Variants in AMPD3 observed in about 807,000 individuals in gnomAD.
AMPD3 encodes adenosine monophosphate deaminase 3.
AMPD3 carries 57 observed loss-of-function variants against 82.3 expected under a neutral mutation model. The ratio of observed to expected loss-of-function variants is 0.69; its 90% confidence interval spans 0.56 to 0.86. The LOEUF (loss-of-function observed/expected upper bound fraction) is 0.86, where lower values mean the gene tolerates loss of function less well. Ranked by LOEUF, AMPD3 falls within the 40% of genes least tolerant of loss-of-function variation. The pLI is 0.00. For synonymous variants in AMPD3, 381 were observed against 394.7 expected, an observed-to-expected ratio of 0.97 and a Z score of 0.41; for missense variants, 870 against 1,003.8, an observed-to-expected ratio of 0.87 and a Z score of 1.80.
In AMPD3 at chr11:10,496,951, G is replaced by A; in HGVS notation, c.1557+13G>A. Reference sequence around the variant, plus strand: ...CTTCCTTAAATATGTAAGTGTGGGTGGTGCCCTAGGCAGGGCTCATAGCGG... The same window carrying A: ...CTTCCTTAAATATGTAAGTGTGGGTAGTGCCCTAGGCAGGGCTCATAGCGG... On this transcript the variant is annotated intron_variant, in intron 10 of 14. Transcript: ENST00000396553. The A allele has an allele frequency of 6.2e-7, 1 of 1,613,886 alleles. No individual in the cohort carries two copies. The highest frequency in any genetic ancestry group is 8.5e-7 in the Non-Finnish European group (1 of 1,179,824).
In AMPD3 at chr11:10,495,669, T is replaced by G. The variant is rs924858555; in HGVS notation, c.1366T>G (p.Trp456Gly). 7.4e-6 allele frequency: 12 copies of G among 1,614,022 alleles called. No individual in the cohort carries two copies. Among genetic ancestry groups the G allele is most frequent in the Admixed American group, 3.3e-5 (2 of 59,992 alleles). ...TGAGGAGTGGCCCAACCTGGCCTAC[T>G]GGTTCATCCAGCACAAGGTCTACTC... is the stretch of plus-strand genomic sequence containing the variant. ...SPEEWPNLAY[W>G]FIQHKVYSPN... The change falls in exon 9 of 15, where the codon TGG (tryptophan) becomes GGG (glycine). Residue 456 changes from tryptophan to glycine, a missense_variant. Trp to Gly is a radical substitution (Grantham distance 184). Transcript: ENST00000396553.
At chr11:10,501,298 C>T (rs530029409) in intron 11 of AMPD3, 172 bp from the exon 12 acceptor site, 15 of 985,202 alleles carry the variant, frequency 1.5e-5, no homozygotes, top group East Asian at 2.3e-4. Context: ...TAAGGGGCCC[C>T]AGGGCCTGGA....
At chr11:10,458,834 T>A (rs1848176117) in intron 1 of AMPD3, among the ~76,000 whole-genome samples, 1 of 152,216 alleles carries the variant, frequency 6.6e-6, no homozygotes, top group Admixed American at 6.5e-5. Flanking sequence ...AATGGTATGG[T>A]GCTTTATGGC....
In AMPD3 at chr11:10,500,220, C is replaced by T. The variant is rs756209639; in HGVS notation, c.1692C>T (p.Ala564=). The change falls in exon 11 of 15, where the codon GCC becomes GCT. Residue 564 remains alanine, a synonymous_variant. Coordinates refer to ENST00000396553, the MANE Select transcript of AMPD3 (RefSeq NM_001025389.2). ...PYSYYLYYMY[A]NIMVLNNLRR... ...GCTACTACCTGTACTACATGTATGC[C>T]AACATCATGGTGCTCAACAACCTCC... The T allele has an allele frequency of 8.7e-6, 14 of 1,614,252 alleles. No homozygotes were observed. The East Asian group carries it at 3.1e-4, about 36-fold the overall frequency.
Position 10,501,544 on chromosome 11 carries a change from C to A in AMPD3, c.1796C>A (p.Ala599Asp), listed in dbSNP as rs764436315. Residue 599 changes from alanine to aspartate, a missense_variant, in exon 12 of 15, where the codon GCC becomes GAC. Physicochemically the swap from Ala to Asp is moderately radical, Grantham distance 126. Coordinates refer to ENST00000396553, the MANE Select transcript of AMPD3 (RefSeq NM_001025389.2). ...GGCTCCATCACCCACCTGGTGTCTG[C>A]CTTCCTCACTGCTGACAACATTTCC... Reference protein sequence around the residue: ...EAGSITHLVSAFLTADNISHG... With the variant: ...EAGSITHLVSDFLTADNISHG... The A allele has an allele frequency of 2.5e-6, 4 of 1,614,168 alleles. No homozygotes were observed. Among genetic ancestry groups the A allele is most frequent in the Non-Finnish European group, 3.4e-6 (4 of 1,180,032 alleles).
intron 4 of AMPD3, 116 bp from the exon 5 acceptor site, chr11:10,484,704 G>C (rs1564848620): frequency 7.5e-7 from 1 of 1,328,128 alleles, no homozygotes; most frequent in South Asian, 1.2e-5. Context: ...GAGATGCGGG[G>C]CCGGCGCAGG....
At position 10,493,442 on chromosome 11, in the gene AMPD3, G is replaced by C. The variant is rs531200117; in HGVS notation, c.1033G>C (p.Val345Leu). ...ATACCAGACGGAGCCTGACAGGACT[G>C]TGGCAGAGAAGCGGGGCCGGAAGAT... ...HTYQTEPDRT[V>L]AEKRGRKITL... The change falls in exon 7 of 15, where the codon GTG becomes CTG. Residue 345 changes from valine (V) to leucine (L), a missense_variant. Coordinates refer to ENST00000396553, the MANE Select transcript of AMPD3 (RefSeq NM_001025389.2). 6.2e-7 allele frequency: 1 copy of C among 1,614,234 alleles called. No individual in the cohort carries two copies. Among genetic ancestry groups the C allele is most frequent in the African/African-American group, 1.3e-5 (1 of 75,058 alleles).
chr11:10,504,509 A>G, intron 13 of AMPD3, 40 bp from the exon 14 acceptor site: 1 of 1,572,430 alleles, frequency 6.4e-7, no homozygotes. Flanking sequence ...TGACATGGAT[A>G]TCCCCCCTTC....
chr11:10,476,112 G>C (rs3891547), intron 2 of AMPD3, among the ~76,000 whole-genome samples: 17,292 of 152,190 alleles, frequency 0.11, 1,175 homozygotes, highest in African/African-American at 0.18. Context: ...AACAAATCCA[G>C]GGTCATCCTT....
chr11:10,476,299 C>T (rs1848733335), intron 2 of AMPD3, among the ~76,000 whole-genome samples: 2 of 152,136 alleles, frequency 1.3e-5, no homozygotes, highest in African/African-American at 4.8e-5. Context: ...CAATCTGGAG[C>T]TCAACTGAAG....
At chr11:10,505,343 C>T (rs1405635507) in intron 14 of AMPD3, 15 of 980,572 alleles carry the variant, frequency 1.5e-5, no homozygotes, top group Non-Finnish European at 1.8e-5. Flanking sequence ...CTTGGATTGG[C>T]CCTCCCCAGG....
In AMPD3 at chr11:10,484,866, T is replaced by A. The variant is rs1315700520; in HGVS notation, c.636T>A (p.Asp212Glu). 6.2e-7 allele frequency: 1 copy of A among 1,614,092 alleles called. No individual in the cohort carries two copies. The highest frequency in any genetic ancestry group is 2.2e-5 in the East Asian group (1 of 44,874). Residue 212 changes from aspartate to glutamate, a missense_variant, in exon 5 of 15, where the codon GAT becomes GAA. Transcript: ENST00000396553. ...CCCAGGAAGACCCCTACTGCCTGGA[T>A]GATGCACCCCCCAACCTGGATTACT... ...PLPQEDPYCL[D>E]DAPPNLDYLV...
At chr11:10,451,795 C>T (rs185419146), upstream of AMPD3, among the ~76,000 whole-genome samples, 11 of 152,304 alleles carry the variant, frequency 7.2e-5, no homozygotes, top group Admixed American at 6.5e-4. Context: ...ATGCAGTGAC[C>T]AACATTTGGC....
At chr11:10,470,100 A>G (rs985645874) in intron 2 of AMPD3, among the ~76,000 whole-genome samples, 2 of 152,156 alleles carry the variant, frequency 1.3e-5, no homozygotes, top group African/African-American at 4.8e-5. Flanking sequence ...GCAGCACATC[A>G]AAAAGCTTAT....
At chr11:10,504,091 C>A in intron 13 of AMPD3, 1 of 927,756 alleles carries the variant, frequency 1.1e-6, no homozygotes. Context: ...TTTGATGTTC[C>A]ATCTCTGCTT....
chr11:10,482,800 A>G lies in AMPD3; in HGVS notation c.589+575A>G, dbSNP rs561845005. 4.6e-5 allele frequency among the ~76,000 whole-genome samples: 7 copies of G among 152,326 alleles called. No homozygotes were observed. In the South Asian group the frequency reaches 1.4e-3, roughly 32 times the overall value. On this transcript the variant is annotated intron_variant, in intron 4 of 14. Transcript: ENST00000396553. ...CTTGGCCTCCCAAAGTGCTGGGATT[A>G]TAGATGTGAGTCACTGCGCCTGGCC...
rs1265030973 is a variant in AMPD3, at chr11:10,505,873, T to C, written c.2293T>C (p.Leu765=). The C allele has an allele frequency of 1.9e-6, 3 of 1,614,080 alleles. No homozygotes were observed. In the African/African-American group the frequency reaches 4.0e-5, roughly 22 times the overall value. Reference sequence around the variant, plus strand: ...TATGAAATCAGAAGAGATCACCGCCTTGACCAACTAGGTCCAGCATTTGAC... The same window carrying C: ...TATGAAATCAGAAGAGATCACCGCCCTGACCAACTAGGTCCAGCATTTGAC... ...DAMKSEEITA[L]TN is the part of the protein sequence containing the mutation. Residue 765 remains leucine (L), a synonymous_variant, in exon 15 of 15, where the codon TTG becomes CTG. Coordinates refer to ENST00000396553, the MANE Select transcript of AMPD3 (RefSeq NM_001025389.2).
chr11:10,450,887 C>T (rs933124245), upstream of AMPD3: 25 of 1,229,092 alleles, frequency 2.0e-5, no homozygotes, highest in East Asian at 3.4e-5. Context: ...GAACGCCCGG[C>T]CCCCGCGCCT....
intron 5 of AMPD3, chr11:10,486,475 C>A (rs1194272544): frequency 2.4e-6 from 2 of 838,972 alleles, no homozygotes; most frequent in African/African-American, 3.7e-5. Flanking sequence ...CAGTGAGCAC[C>A]CCCATCCCCA....
Sources: allele counts gnomAD v4.1 joint callset (sites outside exome capture counted in the v4.1 genomes callset), GRCh38; gene constraint gnomAD v4.1.1; transcripts MANE v1.5; gene names NCBI Gene and HGNC (gene_info 2026-07-23, HGNC 2026-07-21).